The following LMNTD1 variants were observed in gnomAD, a reference collection of about 807,000 sequenced individuals.
LMNTD1 encodes the protein lamin tail domain-containing protein 1.
In LMNTD1, 35 loss-of-function variants were observed where a neutral mutation model predicts 50.9. That is an observed-to-expected ratio of 0.69 (90% CI 0.53 to 0.91). The LOEUF is 0.91. LMNTD1 is among the 40% of genes least tolerant of loss of function. The pLI is 0.00. For missense variants in LMNTD1, 470 were observed against 475.5 expected, an observed-to-expected ratio of 0.99 and a Z score of 0.11; for synonymous variants, 153 against 161.9, an observed-to-expected ratio of 0.94 and a Z score of 0.42.
At chr12:25,507,527 C>G (rs1939894830) in intron 8 of LMNTD1, among the ~76,000 whole-genome samples, 1 of 152,168 alleles carries the variant, frequency 6.6e-6, no homozygotes, top group African/African-American at 2.4e-5. Flanking sequence ...TGTGCCAGTA[C>G]AGGGCACTTT....
chr12:25,634,185 A>G (rs1946776601), intron 1 of LMNTD1, among the ~76,000 whole-genome samples: 1 of 152,200 alleles, frequency 6.6e-6, no homozygotes, highest in Non-Finnish European at 1.5e-5. Flanking sequence ...TTGAAATGGT[A>G]ATTACAAAAT....
At chr12:25,558,218 C>A (rs1023449605), upstream of LMNTD1, among the ~76,000 whole-genome samples, 31 of 152,054 alleles carry the variant, frequency 2.0e-4, 1 homozygote, top group African/African-American at 7.5e-4. Context: ...TTTAACTTTT[C>A]AAAAAACCAA....
intron 9 of LMNTD1, among the ~76,000 whole-genome samples, chr12:25,480,635 C>T (rs532824478): frequency 6.6e-6 from 1 of 152,290 alleles, no homozygotes; most frequent in South Asian, 2.1e-4. Flanking sequence ...CTCCCTTTAT[C>T]CTAAAATCCT....
chr12:25,645,973 G>A (rs1947061883), intron 1 of LMNTD1, among the ~76,000 whole-genome samples: 3 of 152,144 alleles, frequency 2.0e-5, no homozygotes, highest in Admixed American at 6.5e-5. Context: ...GAAGGACAAT[G>A]AAAGGATTCT....
chr12:25,623,843 C>T (rs1207019611), intron 1 of LMNTD1, among the ~76,000 whole-genome samples: 4 of 152,152 alleles, frequency 2.6e-5, no homozygotes, highest in African/African-American at 4.8e-5. Context: ...CTGCCTCCTT[C>T]GTCTCTCCCA....
chr12:25,609,929 A>C (rs1946205071), intron 1 of LMNTD1, among the ~76,000 whole-genome samples: 1 of 152,106 alleles, frequency 6.6e-6, no homozygotes, highest in Non-Finnish European at 1.5e-5. Flanking sequence ...CCTTTTTTTC[A>C]GCTATGCCCA....
intron 1 of LMNTD1, among the ~76,000 whole-genome samples, chr12:25,579,944 T>C (rs889567395): frequency 2.6e-5 from 4 of 152,156 alleles, no homozygotes; most frequent in African/African-American, 7.2e-5. Context: ...ATGTAATTAT[T>C]TGGGTTCTCT....
rs1186744084 is a variant in LMNTD1, at chr12:25,518,776, A to T, written c.1189+19T>A. On this transcript the variant is annotated intron_variant, in intron 8 of 9. Coordinates refer to ENST00000458174, the MANE Select transcript of LMNTD1 (RefSeq NM_001145728.2). ...ACACACACGCACTCTCCACTGGAAC[A>T]AGCACTCTTTTAACTGACCTGAGGC... 2 of 1,612,632 alleles carry T rather than the reference A, an allele frequency of 1.2e-6. No homozygotes were observed. The highest frequency in any genetic ancestry group is 3.3e-5 in the Admixed American group (2 of 59,930).
At chr12:25,592,105 T>A (rs981511111) in intron 1 of LMNTD1, among the ~76,000 whole-genome samples, 2 of 152,064 alleles carry the variant, frequency 1.3e-5, no homozygotes, top group African/African-American at 4.8e-5. Flanking sequence ...AGTGAGAGGA[T>A]TCCAAGGAAC....
intron 1 of LMNTD1, among the ~76,000 whole-genome samples, chr12:25,569,870 C>T (rs970561483): frequency 6.6e-6 from 1 of 152,136 alleles, no homozygotes; most frequent in Non-Finnish European, 1.5e-5. Context: ...CCTGCAAAAC[C>T]GTGAACCAAT....
intron 1 of LMNTD1, among the ~76,000 whole-genome samples, chr12:25,589,822 T>C (rs1392758525): frequency 1.3e-5 from 2 of 152,088 alleles, no homozygotes; most frequent in Non-Finnish European, 2.9e-5. Flanking sequence ...TTATTCATTG[T>C]GTAGATCTCT....
rs770862794 is a variant in LMNTD1 at position 25,549,496 on chromosome 12, A to T, written c.140T>A (p.Met47Lys). The change falls in exon 3 of 10, where the codon ATG becomes AAG. Residue 47 changes from methionine to lysine, a missense_variant. Coordinates refer to ENST00000458174, the MANE Select transcript of LMNTD1 (RefSeq NM_001145728.2). ...CAGTGTTGTGGCAACTGAACCCAAC[A>T]TCTTTGGGGAAAAATGTACTAAAGA... ...VYSLVHFSPK[M>K]LGSVATTLPL... 1.4e-5 allele frequency: 23 copies of T among 1,613,178 alleles called. No homozygotes were observed. The East Asian group carries it at 4.7e-4, about 33-fold the overall frequency.
At chr12:25,628,727 G>A (rs991832256) in intron 1 of LMNTD1, among the ~76,000 whole-genome samples, 2 of 152,180 alleles carry the variant, frequency 1.3e-5, no homozygotes, top group African/African-American at 4.8e-5. Flanking sequence ...ACAAGCTAAG[G>A]TATGCCAGCA....
chr12:25,565,025 G>T (rs112074241), intron 1 of LMNTD1, among the ~76,000 whole-genome samples: 1 of 151,816 alleles, frequency 6.6e-6, no homozygotes, highest in Non-Finnish European at 1.5e-5. Flanking sequence ...AATCTATTTT[G>T]TCTGATATAA....
intron 4 of LMNTD1, among the ~76,000 whole-genome samples, chr12:25,545,145 G>A (rs990140391): frequency 1.3e-5 from 2 of 151,750 alleles, no homozygotes; most frequent in South Asian, 4.2e-4. Flanking sequence ...TTTCTTATAA[G>A]ATAGGTCTCG....
rs187515746 is a variant in LMNTD1 at position 25,588,045 on chromosome 12, G to A, written c.59-41491C>T. Among the ~76,000 whole-genome samples the A allele has an allele frequency of 2.0e-4, 31 of 152,226 alleles. No homozygotes were observed. The East Asian group carries it at 5.0e-3, about 25-fold the overall frequency. ...AGAATCAGAAGTTCTTCTAAGGTAC[G>A]TAGTTAGGCTACTGGTATTAAGGAA... On this transcript the variant is annotated intron_variant, in intron 1 of 7. Transcript: ENST00000445693.
intron 9 of LMNTD1, among the ~76,000 whole-genome samples, chr12:25,496,229 C>A (rs1169196578): frequency 6.6e-6 from 1 of 152,036 alleles, no homozygotes; most frequent in Non-Finnish European, 1.5e-5. Context: ...GGCTTATTGG[C>A]CATAGTCACC....
intron 1 of LMNTD1, among the ~76,000 whole-genome samples, chr12:25,586,909 C>T (rs968314208): frequency 3.3e-5 from 5 of 152,144 alleles, no homozygotes; most frequent in Admixed American, 6.6e-5. Flanking sequence ...ATAGCATGCC[C>T]TTTGTGACCT....
At chr12:25,522,058 T>C (rs1178174065) in intron 6 of LMNTD1, among the ~76,000 whole-genome samples, 1 of 152,202 alleles carries the variant, frequency 6.6e-6, no homozygotes, top group East Asian at 1.9e-4. Context: ...ACTGTAACCT[T>C]TGAACATCCC....
Sources: allele counts gnomAD v4.1 joint callset (sites outside exome capture counted in the v4.1 genomes callset), GRCh38; gene constraint gnomAD v4.1.1; transcripts MANE v1.5; gene names NCBI Gene and HGNC (gene_info 2026-07-23, HGNC 2026-07-21).